Variants in CDH18 observed in about 807,000 individuals in gnomAD.
CDH18 encodes the protein cadherin 18.
A neutral mutation model predicts 67.9 loss-of-function variants in CDH18; 31 were observed. The observed-to-expected ratio is 0.46, with a 90% confidence interval of 0.34 to 0.62. The LOEUF is 0.62. CDH18 is among the 20% of genes least tolerant of loss of function. CDH18 has a pLI of 0.01. For missense variants in CDH18, 890 were observed against 975.5 expected (o/e 0.91, Z 1.17); for synonymous variants, 362 against 347.2 (o/e 1.04, Z -0.48).
At chr5:20,131,621 AT>A (rs1188247198) in intron 2 of CDH18, among the ~76,000 whole-genome samples, 7 of 152,170 alleles carry the variant, frequency 4.6e-5, no homozygotes, top group African/African-American at 1.7e-4. Flanking sequence ...TAGAAAAAGT[AT>A]ACACATATGT....
At chr5:20,111,776 C>A (rs546945198) in intron 2 of CDH18, among the ~76,000 whole-genome samples, 1 of 152,106 alleles carries the variant, frequency 6.6e-6, no homozygotes, top group Admixed American at 6.5e-5. Flanking sequence ...ATCTCTTGAC[C>A]TCGTGATCTG....
intron 1 of CDH18, among the ~76,000 whole-genome samples, chr5:20,435,207 G>T (rs540970984): frequency 3.5e-4 from 53 of 152,042 alleles, no homozygotes; most frequent in Middle Eastern, 6.8e-3. Flanking sequence ...GTCATTCAAG[G>T]CAGCTGAGTG....
intron 8 of CDH18, among the ~76,000 whole-genome samples, chr5:19,552,759 A>T (rs1737688971): frequency 1.3e-5 from 2 of 152,176 alleles, no homozygotes; most frequent in Non-Finnish European, 2.9e-5. Flanking sequence ...GACAAGTCCC[A>T]TAGGCAAACC....
intron 1 of CDH18, among the ~76,000 whole-genome samples, chr5:20,369,774 A>C (rs992593175): frequency 2.0e-5 from 3 of 152,206 alleles, no homozygotes; most frequent in Non-Finnish European, 4.4e-5. Flanking sequence ...ACTGATTTGA[A>C]AATAATTTGT....
rs760439421 is a variant in CDH18 at position 19,486,764 on chromosome 5, G to A, written c.1631-3212C>T. On this transcript the variant is annotated intron_variant, in intron 11 of 12. Transcript: ENST00000382275. Reference sequence around the variant, plus strand: ...GCCGAGATCACGCCATTGCATGCCAGCCTAGGCTGTCAGCAGTGAGACTCT... The same window carrying A: ...GCCGAGATCACGCCATTGCATGCCAACCTAGGCTGTCAGCAGTGAGACTCT... Among the ~76,000 whole-genome samples the A allele has an allele frequency of 3.4e-4, 52 of 152,306 alleles. No individual in the cohort carries two copies. The Middle Eastern group carries it at 0.017, about 50-fold the overall frequency.
intron 1 of CDH18, among the ~76,000 whole-genome samples, chr5:20,496,061 A>G (rs545190198): frequency 5.9e-5 from 9 of 152,276 alleles, no homozygotes; most frequent in South Asian, 2.1e-4. Context: ...AGAGAAAGAA[A>G]TGGAACAGGA....
chr5:20,166,867 G>A (rs1429393703), intron 2 of CDH18, among the ~76,000 whole-genome samples: 2 of 152,058 alleles, frequency 1.3e-5, no homozygotes, highest in African/African-American at 2.4e-5. Context: ...TATGAGCTGT[G>A]GCCAATGAAT....
chr5:19,767,860 T>G (rs961360361), intron 3 of CDH18, among the ~76,000 whole-genome samples: 2 of 152,100 alleles, frequency 1.3e-5, no homozygotes, highest in East Asian at 3.9e-4. Flanking sequence ...ATTCCAGGGA[T>G]GTATAGAAGA....
chr5:20,433,402 C>T (rs1180960979), intron 1 of CDH18, among the ~76,000 whole-genome samples: 1 of 151,866 alleles, frequency 6.6e-6, no homozygotes, highest in African/African-American at 2.4e-5. Flanking sequence ...AAAGTATTGT[C>T]TCAAGTTTCC....
chr5:20,535,685 T>C (rs1322023983), intron 1 of CDH18, among the ~76,000 whole-genome samples: 1 of 150,288 alleles, frequency 6.7e-6, no homozygotes, highest in African/African-American at 2.4e-5. Context: ...GATCATAAAC[T>C]GTTTTCAGCT....
Position 20,377,649 on chromosome 5 carries a change from C to T in CDH18, c.-579-122144G>A, listed in dbSNP as rs183580538. On this transcript the variant is annotated intron_variant, in intron 1 of 14. Coordinates refer to the CDH18 transcript ENST00000507958. Reference sequence around the variant, plus strand: ...GTATTTGGTACTGAAGACAAGATGACGCATCTAGCAGTGAGTAAAATATGT... The same window carrying T: ...GTATTTGGTACTGAAGACAAGATGATGCATCTAGCAGTGAGTAAAATATGT... Among the ~76,000 whole-genome samples, 38 of 152,172 alleles carry T rather than the reference C, an allele frequency of 2.5e-4. No homozygotes were observed. The East Asian group carries it at 7.1e-3, about 29-fold the overall frequency.
chr5:19,824,582 T>C (rs192977940), intron 3 of CDH18, among the ~76,000 whole-genome samples: 2 of 152,298 alleles, frequency 1.3e-5, no homozygotes, highest in Admixed American at 1.3e-4. Context: ...TTACAAGCCT[T>C]GGGTCCCAAA....
intron 1 of CDH18, among the ~76,000 whole-genome samples, chr5:20,403,967 T>C (rs1236446184): frequency 6.6e-6 from 1 of 152,230 alleles, no homozygotes; most frequent in East Asian, 1.9e-4. Context: ...TCAAAGATCT[T>C]AGCTGAATCT....
chr5:19,553,667 G>A (rs560586325), intron 8 of CDH18, among the ~76,000 whole-genome samples: 1 of 143,784 alleles, frequency 7.0e-6, no homozygotes, highest in South Asian at 2.2e-4. Flanking sequence ...GAGACACAGG[G>A]TATTGCTCTG....
At chr5:20,420,704 G>A (rs987847546) in intron 1 of CDH18, among the ~76,000 whole-genome samples, 3 of 151,134 alleles carry the variant, frequency 2.0e-5, no homozygotes, top group Non-Finnish European at 4.4e-5. Flanking sequence ...CTTTGTATAT[G>A]TCATTTAAAG....
chr5:19,881,852 T>C (rs1787694828), intron 2 of CDH18, among the ~76,000 whole-genome samples: 1 of 152,148 alleles, frequency 6.6e-6, no homozygotes, highest in African/African-American at 2.4e-5. Context: ...GTTCCCTACC[T>C]GATGGGCTTA....
chr5:20,115,617 G>A (rs1354300261), intron 2 of CDH18, among the ~76,000 whole-genome samples: 1 of 151,954 alleles, frequency 6.6e-6, no homozygotes, highest in Non-Finnish European at 1.5e-5. Flanking sequence ...TCATATTAGG[G>A]GTTAGGGTAT....
At chr5:20,298,517 T>C (rs980322858) in intron 1 of CDH18, among the ~76,000 whole-genome samples, 1 of 152,156 alleles carries the variant, frequency 6.6e-6, no homozygotes, top group Non-Finnish European at 1.5e-5. Context: ...GAGAATAATA[T>C]AAAGATATTG....
At chr5:19,732,282 A>G (rs1347159973) in intron 4 of CDH18, among the ~76,000 whole-genome samples, 1 of 152,026 alleles carries the variant, frequency 6.6e-6, no homozygotes, top group Non-Finnish European at 1.5e-5. Flanking sequence ...TTCTACAAAA[A>G]AAAAAGTTTT....
Sources: allele counts gnomAD v4.1 joint callset (sites outside exome capture counted in the v4.1 genomes callset), GRCh38; gene constraint gnomAD v4.1.1; transcripts MANE v1.5; gene names NCBI Gene and HGNC (gene_info 2026-07-23, HGNC 2026-07-21).